Variants in MAP2K7 observed in about 807,000 individuals in gnomAD.
The protein encoded by MAP2K7 is dual specificity mitogen-activated protein kinase kinase 7.
MAP2K7 carries 12 observed loss-of-function variants against 47.7 expected under a neutral mutation model. The observed-to-expected ratio is 0.25, with a 90% CI of 0.16 to 0.41. The LOEUF (loss-of-function observed/expected upper bound fraction) is 0.41, where lower values mean the gene tolerates loss of function less well. MAP2K7 is among the 10% of genes least tolerant of loss of function. MAP2K7 has a pLI of 1.00. For synonymous variants in MAP2K7, 299 were observed against 243.0 expected (o/e 1.23, Z -2.14); for missense variants, 415 against 600.3 (o/e 0.69, Z 3.23).
In MAP2K7 at chr19:7,912,614, T is replaced by G; in HGVS notation, c.*183T>G. On this transcript the variant is annotated 3_prime_UTR_variant, in exon 11 of 11. Transcript: ENST00000397979. ...CCCCGGGCCTACCAAGCCCCCGCCC[T>G]TCCCACCCCGGGGTCAGCCGGCCGT... 4 of 571,308 alleles carry G rather than the reference T, an allele frequency of 7.0e-6. No homozygotes were observed. Among genetic ancestry groups the G allele is most frequent in the Non-Finnish European group, 1.1e-5 (4 of 375,108 alleles). 35.4% of individuals were successfully genotyped at this position (571,308 alleles called of 1,614,324 possible).
At chr19:7,911,792 G>A (rs531500186) in intron 9 of MAP2K7, among the ~76,000 whole-genome samples, 1 of 152,348 alleles carries the variant, frequency 6.6e-6, no homozygotes, top group East Asian at 1.9e-4. Flanking sequence ...AGCCAGCCCT[G>A]TGGCATTTGG....
chr19:7,909,768 G>T lies in MAP2K7; in HGVS notation c.138G>T (p.Pro46=), dbSNP rs753123405. 6.5e-7 allele frequency: 1 copy of T among 1,539,520 alleles called. No homozygotes were observed. The highest frequency in any genetic ancestry group is 1.4e-5 in the African/African-American group (1 of 72,848). ...PQRPRPTLQL[P]LANDGGSRSP... Reference sequence around the variant, plus strand: ...TCACCCCCCTAGCCCTGCAGCTCCCGCTGGCCAACGATGGGGGCAGCCGCT... The same window carrying T: ...TCACCCCCCTAGCCCTGCAGCTCCCTCTGGCCAACGATGGGGGCAGCCGCT... Residue 46 remains proline, a synonymous_variant, in exon 2 of 11, where the codon CCG becomes CCT. Transcript: ENST00000397979.
At position 7,910,530 on chromosome 19, in the gene MAP2K7, C is replaced by G. The variant is rs370478429; in HGVS notation, c.525C>G (p.Asp175Glu). The G allele has an allele frequency of 1.2e-6, 2 of 1,613,708 alleles. No homozygotes were observed. The highest frequency in any genetic ancestry group is 1.7e-6 in the Non-Finnish European group (2 of 1,180,006). Residue 175 changes from aspartate (D) to glutamate (E), a missense_variant, in exon 5 of 11, where the codon GAC becomes GAG. Physicochemically the swap from Asp to Glu is conservative, Grantham distance 45 (BLOSUM62 2). Transcript: ENST00000397979. ...TGGATGTGGTGCTGAAGAGCCACGA[C>G]TGCCCCTACATCGTGCAGTGCTTTG... ...MDLDVVLKSHDCPYIVQCFGT... is the reference protein window; with the variant it reads ...MDLDVVLKSHECPYIVQCFGT...
In MAP2K7 at chr19:7,912,642, G is replaced by A. The variant is rs1982978374; in HGVS notation, c.*211G>A. On this transcript the variant is annotated 3_prime_UTR_variant, in exon 11 of 11. Coordinates refer to ENST00000397979, the MANE Select transcript of MAP2K7 (RefSeq NM_145185.4). ...CCACCCCGGGGTCAGCCGGCCGTGTGCGTCCCCCGACAGACACTGTGAACG... is the reference window on the plus strand; with the variant it reads ...CCACCCCGGGGTCAGCCGGCCGTGTACGTCCCCCGACAGACACTGTGAACG... The A allele has an allele frequency of 3.3e-6, 2 of 603,820 alleles. No individual in the cohort carries two copies. The highest frequency in any genetic ancestry group is 5.8e-6 in the Non-Finnish European group (2 of 345,068). The allele number at this position is 603,820 out of a possible 1,614,324, so 37.4% of individuals were successfully genotyped here.
chr19:7,911,450 A>G lies in MAP2K7; in HGVS notation c.951A>G (p.Thr317=), dbSNP rs777453682. ...SLGISLVELA[T]GQFPYKNCKT... ...CTCCCTCCCAGGTGGAGCTGGCAAC[A>G]GGACAGTTTCCCTACAAGAACTGCA... Residue 317 remains threonine, a synonymous_variant, in exon 9 of 11, where the codon ACA becomes ACG. Coordinates refer to ENST00000397979, the MANE Select transcript of MAP2K7 (RefSeq NM_145185.4). 1 of 1,613,520 alleles carries G rather than the reference A, an allele frequency of 6.2e-7. No individual in the cohort carries two copies. Among genetic ancestry groups the G allele is most frequent in the Non-Finnish European group, 8.5e-7 (1 of 1,179,948 alleles).
chr19:7,905,753 C>G, intron 1 of MAP2K7: 1 of 1,417,436 alleles, frequency 7.1e-7, no homozygotes, highest in South Asian at 1.1e-5. Flanking sequence ...ACGAATCAGT[C>G]GTTTCTGTTG....
chr19:7,911,213 A>G (rs763726691), intron 7 of MAP2K7, 37 bp from the exon 8 acceptor site: 4 of 1,607,920 alleles, frequency 2.5e-6, no homozygotes, highest in Admixed American at 1.7e-5. Context: ...GGCCGGCCCC[A>G]GCCTTGGAGA....
At position 7,911,087 on chromosome 19, in the gene MAP2K7, C is replaced by T. The variant is rs754682293; in HGVS notation, c.783C>T (p.Asp261=). The T allele has an allele frequency of 6.2e-7, 1 of 1,612,664 alleles. No homozygotes were observed. The highest frequency in any genetic ancestry group is 2.2e-5 in the East Asian group (1 of 44,872). ...AGCGGGGCCAGATCAAGCTCTGCGACTTCGGCATCAGCGGCCGCCTGGTGG... is the reference window on the plus strand; with the variant it reads ...AGCGGGGCCAGATCAAGCTCTGCGATTTCGGCATCAGCGGCCGCCTGGTGG... ...LDERGQIKLC[D]FGISGRLVDS... Residue 261 remains aspartate, a synonymous_variant, in exon 7 of 11, where the codon GAC becomes GAT. Transcript: ENST00000397979.
intron 6 of MAP2K7, 24 bp downstream of exon 6, chr19:7,910,827 A>G (rs1168578601): frequency 1.3e-6 from 2 of 1,579,520 alleles, no homozygotes; most frequent in Non-Finnish European, 1.7e-6. Context: ...CGGGGCTTGC[A>G]CTGGGCAGGA....
In MAP2K7 at chr19:7,911,139, G is replaced by A. The variant is rs1982827477; in HGVS notation, c.835G>A (p.Gly279Ser). ...VDSKAKTRSA[G>S]CAAYMAPERI... ...CTCCAAAGCCAAGACGCGGAGCGCC[G>A]GCTGTGCCGCCTACATGGCAGTGAG... The change falls in exon 7 of 11, where the codon GGC (glycine) becomes AGC (serine). Residue 279 changes from glycine (G) to serine (S), a missense_variant. Gly to Ser is a moderately conservative substitution (Grantham distance 56). Around this residue, in one of 3 missense-constraint regions of MAP2K7, gnomAD observed 206 missense variants for 368.8 expected, o/e 0.56. Transcript: ENST00000397979. The A allele has an allele frequency of 6.2e-7, 1 of 1,610,962 alleles. No individual in the cohort carries two copies. Among genetic ancestry groups the A allele is most frequent in the Non-Finnish European group, 8.5e-7 (1 of 1,179,004 alleles).
Position 7,912,429 on chromosome 19 carries a change from T to C in MAP2K7, c.1258T>C (p.Ter420GlnextTer182). 6.2e-7 allele frequency: 1 copy of C among 1,611,014 alleles called. No individual in the cohort carries two copies. The highest frequency in any genetic ancestry group is 8.5e-7 in the Non-Finnish European group (1 of 1,179,616). ...CCAGCCCCACCTGCCCTTCTTCAGG[T>C]AGCTGCTTGGCGGCGGCCAGCCCCA... ...LSQPHLPFFR[*>Q] The change falls in exon 11 of 11, where the codon TAG (stop) becomes CAG (glutamine). Residue 420 changes from the stop codon to glutamine, a stop_lost. Coordinates refer to ENST00000397979, the MANE Select transcript of MAP2K7 (RefSeq NM_145185.4).
rs1348927884 is a variant in MAP2K7 at position 7,912,399 on chromosome 19, C to T, written c.1228C>T (p.Leu410=). The T allele has an allele frequency of 4.3e-6, 7 of 1,612,588 alleles. No homozygotes were observed. The highest frequency in any genetic ancestry group is 2.2e-5 in the East Asian group (1 of 44,884). ...KTESPRTSGV[L]SQPHLPFFR ...TGAGTCACCGCGGACTAGCGGCGTC[C>T]TGAGCCAGCCCCACCTGCCCTTCTT... is the stretch of plus-strand genomic sequence containing the variant. Residue 410 remains leucine, a synonymous_variant, in exon 11 of 11, where the codon CTG becomes TTG. Coordinates refer to ENST00000397979, the MANE Select transcript of MAP2K7 (RefSeq NM_145185.4).
rs746333086 is a variant in MAP2K7, at chr19:7,911,241, C to CG, written c.856-9_856-8insG. On this transcript the variant is annotated splice_polypyrimidine_tract_variant and intron_variant, in intron 7 of 10. Coordinates refer to ENST00000397979, the MANE Select transcript of MAP2K7 (RefSeq NM_145185.4). Reference sequence around the variant, plus strand: ...CTTGGAGATACGTCTTCTCCTCCCCCCCCTGCAGCCCGAGCGCATTGACCC... The same window carrying CG: ...CTTGGAGATACGTCTTCTCCTCCCCCGCCCTGCAGCCCGAGCGCATTGACCC... The CG allele has an allele frequency of 8.1e-6, 13 of 1,609,862 alleles. No individual in the cohort carries two copies. The highest frequency in any genetic ancestry group is 5.3e-5 in the African/African-American group (4 of 74,772).
chr19:7,906,252 C>T, intron 1 of MAP2K7: 1 of 225,680 alleles, frequency 4.4e-6, no homozygotes, highest in Non-Finnish European at 9.0e-6. Flanking sequence ...GAACACATAG[C>T]ACCCCCCGGG....
chr19:7,904,118 C>A (rs1982271998), intron 1 of MAP2K7, 50 bp downstream of exon 1: 1 of 1,195,546 alleles, frequency 8.4e-7, no homozygotes, highest in East Asian at 3.7e-5. Context: ...GCGGGGCGCG[C>A]GCCGCGGGAG....
In MAP2K7 at chr19:7,909,793, T is replaced by G; in HGVS notation, c.163T>G (p.Ser55Ala). The G allele has an allele frequency of 6.5e-7, 1 of 1,542,338 alleles. No individual in the cohort carries two copies. Among genetic ancestry groups the G allele is most frequent in the Non-Finnish European group, 8.7e-7 (1 of 1,146,068 alleles). Residue 55 changes from serine (S) to alanine (A), a missense_variant, in exon 2 of 11, where the codon TCG (serine) becomes GCG (alanine). By Grantham distance (99) the Ser-to-Ala change is moderately conservative. Coordinates refer to ENST00000397979, the MANE Select transcript of MAP2K7 (RefSeq NM_145185.4). ...GCTGGCCAACGATGGGGGCAGCCGC[T>G]CGCCATCCTCAGAGAGCTCCCCGCA... ...LPLANDGGSRSPSSESSPQHP... is the reference protein window; with the variant it reads ...LPLANDGGSRAPSSESSPQHP...
chr19:7,911,726 G>A (rs1472990567), intron 9 of MAP2K7, 148 bp downstream of exon 9: 3 of 832,170 alleles, frequency 3.6e-6, no homozygotes, highest in Non-Finnish European at 5.5e-6. Context: ...TGCCACAGGA[G>A]CTGGAGCTGG....
chr19:7,903,937 C>T lies in MAP2K7; in HGVS notation c.-8C>T, dbSNP rs760237959. On this transcript the variant is annotated 5_prime_UTR_variant, in exon 1 of 11. Transcript: ENST00000397979. ...GGGCGGTGCGCGGCGGCGGTGGCGG[C>T]GGGGAAGATGGCGGCGTCCTCCCTG... is the stretch of plus-strand genomic sequence containing the variant. 21 of 1,516,924 alleles carry T rather than the reference C, an allele frequency of 1.4e-5. No homozygotes were observed. Among genetic ancestry groups the T allele is most frequent in the Admixed American group, 2.0e-5 (1 of 49,282 alleles). The allele number at this position is 1,516,924 out of a possible 1,614,324, so 94.0% of individuals were successfully genotyped here. A position where few individuals can be genotyped will look rare whatever the true frequency, so the allele number is the denominator to read the frequency against.
chr19:7,912,227 G>C, intron 10 of MAP2K7, 33 bp downstream of exon 10: 1 of 1,613,746 alleles, frequency 6.2e-7, no homozygotes, highest in Non-Finnish European at 8.5e-7. Flanking sequence ...TCCCCGTCCT[G>C]TCCCTGCGGA....
Sources: allele counts gnomAD v4.1 joint callset (sites outside exome capture counted in the v4.1 genomes callset), GRCh38; gene constraint gnomAD v4.1.1; regional missense constraint gnomAD v4.1.1; transcripts MANE v1.5; gene names NCBI Gene and HGNC (gene_info 2026-07-23, HGNC 2026-07-21).